LAMP3: variants seen among roughly 807,000 people sequenced by gnomAD.
LAMP3 encodes lysosome associated membrane protein 3.
In LAMP3, 26 loss-of-function variants were observed where a neutral mutation model predicts 34.8. The ratio of observed to expected loss-of-function variants is 0.75; its 90% CI spans 0.55 to 1.04. The LOEUF (loss-of-function observed/expected upper bound fraction) is 1.04, where lower values mean the gene tolerates loss of function less well. Ranked by LOEUF, LAMP3 falls within the 50% of genes least tolerant of loss-of-function variation. The pLI, the probability that LAMP3 is intolerant of heterozygous loss-of-function variation, is 0.00. For synonymous variants in LAMP3, 180 were observed against 201.9 expected (o/e 0.89, Z 0.92); for missense variants, 495 against 524.0 (o/e 0.94, Z 0.54).
At chr3:183,135,358 A>G (rs1720049320) in intron 5 of LAMP3, among the ~76,000 whole-genome samples, 1 of 152,070 alleles carries the variant, frequency 6.6e-6, no homozygotes, top group Non-Finnish European at 1.5e-5. Context: ...CATTACTGAT[A>G]CTCAGGATCT....
intron 3 of LAMP3, among the ~76,000 whole-genome samples, chr3:183,148,662 GA>G (rs1333109924): frequency 3.3e-5 from 5 of 152,170 alleles, no homozygotes; most frequent in African/African-American, 1.2e-4. Flanking sequence ...TCACCCCAGT[GA>G]AAATGGCTCT....
chr3:183,147,158 G>A (rs755795365), intron 3 of LAMP3, among the ~76,000 whole-genome samples: 6 of 151,924 alleles, frequency 3.9e-5, no homozygotes, highest in Admixed American at 6.6e-5. Context: ...CAAGAGAATC[G>A]CTTGAACCCA....
At chr3:183,159,927 A>G (rs184733553) in intron 1 of LAMP3, among the ~76,000 whole-genome samples, 215 of 152,244 alleles carry the variant, frequency 1.4e-3, no homozygotes, top group African/African-American at 5.0e-3. Context: ...CCAACCTGCA[A>G]CTTGTATGTG....
chr3:183,131,685 G>C (rs1719928686), intron 5 of LAMP3, among the ~76,000 whole-genome samples: 1 of 152,098 alleles, frequency 6.6e-6, no homozygotes, highest in Non-Finnish European at 1.5e-5. Flanking sequence ...TTCCTAAGTA[G>C]GCAGTAGTTT....
chr3:183,143,560 C>T (rs537455109), intron 3 of LAMP3, among the ~76,000 whole-genome samples: 1 of 152,312 alleles, frequency 6.6e-6, no homozygotes, highest in Admixed American at 6.5e-5. Context: ...TTGTCCTACA[C>T]ATCTCTTCTG....
chr3:183,159,841 G>A (rs2108616149), intron 1 of LAMP3, among the ~76,000 whole-genome samples: 1 of 152,338 alleles, frequency 6.6e-6, no homozygotes, highest in South Asian at 2.1e-4. Context: ...TGGGCCTTCT[G>A]GGAAGGCTGG....
rs150263785 is a variant in LAMP3 at position 183,131,742 on chromosome 3, T to C, written c.1117+3975A>G. 2.0e-3 allele frequency among the ~76,000 whole-genome samples: 309 copies of C among 152,232 alleles called. 1 individual carries two copies. Among genetic ancestry groups the C allele is most frequent in the South Asian group, 0.012 (60 of 4,826 alleles). On this transcript the variant is annotated intron_variant, in intron 5 of 5. Transcript: ENST00000265598. ...TAAATGTCATGTTAAAAATAATGAATGGCACCTCTGGAAAATTTGGAAAAA... is the reference window on the plus strand; with the variant it reads ...TAAATGTCATGTTAAAAATAATGAACGGCACCTCTGGAAAATTTGGAAAAA...
At chr3:183,136,333 G>A (rs1720087867) in intron 4 of LAMP3, among the ~76,000 whole-genome samples, 1 of 152,156 alleles carries the variant, frequency 6.6e-6, no homozygotes, top group Non-Finnish European at 1.5e-5. Flanking sequence ...TCACCAGGCT[G>A]AATGTATTAG....
At chr3:183,157,014 TG>T (rs1028250127) in intron 1 of LAMP3, among the ~76,000 whole-genome samples, 1 of 152,126 alleles carries the variant, frequency 6.6e-6, no homozygotes, top group African/African-American at 2.4e-5. Flanking sequence ...TGATGATCCT[TG>T]GTGAGGGTTT....
chr3:183,148,254 T>G (rs990586225), intron 3 of LAMP3, among the ~76,000 whole-genome samples: 1 of 152,184 alleles, frequency 6.6e-6, no homozygotes, highest in African/African-American at 2.4e-5. Context: ...AGGACGTTGG[T>G]CTGGGCAAAG....
intron 5 of LAMP3, among the ~76,000 whole-genome samples, chr3:183,128,003 C>A (rs538950483): frequency 1.1e-4 from 16 of 152,120 alleles, no homozygotes; most frequent in African/African-American, 3.9e-4. Context: ...AAAAAAATAA[C>A]CAGTTGTGGT....
chr3:183,132,572 G>A, intron 5 of LAMP3: 1 of 985,360 alleles, frequency 1.0e-6, no homozygotes. Context: ...AGCCAGCACT[G>A]GTATATTCAG....
At chr3:183,137,242 C>T (rs893828201) in intron 4 of LAMP3, among the ~76,000 whole-genome samples, 1 of 152,080 alleles carries the variant, frequency 6.6e-6, no homozygotes, top group Non-Finnish European at 1.5e-5. Context: ...TCTCTTGAAT[C>T]CGAGGGGTGG....
upstream of LAMP3, chr3:183,162,751 C>G (rs906733825): frequency 7.6e-6 from 9 of 1,191,300 alleles, no homozygotes; most frequent in Non-Finnish European, 1.0e-5. Flanking sequence ...GAAACGAAAC[C>G]ACCTGCTTAT....
intron 3 of LAMP3, among the ~76,000 whole-genome samples, chr3:183,150,545 C>T (rs1720597107): frequency 7.0e-6 from 1 of 142,176 alleles, no homozygotes; most frequent in Non-Finnish European, 1.5e-5. Flanking sequence ...TCTGTATCTT[C>T]TGCTATTTTG....
At chr3:183,128,410 A>T (rs577446838) in intron 5 of LAMP3, among the ~76,000 whole-genome samples, 1 of 152,324 alleles carries the variant, frequency 6.6e-6, no homozygotes, top group South Asian at 2.1e-4. Context: ...CTTTCCTTAA[A>T]CATACATAGC....
intron 5 of LAMP3, among the ~76,000 whole-genome samples, chr3:183,133,558 G>A (rs928597976): frequency 3.3e-5 from 5 of 152,256 alleles, no homozygotes; most frequent in Non-Finnish European, 1.5e-5. Flanking sequence ...GTTTTGCTAT[G>A]TTGGCCAGGC....
At chr3:183,155,714 A>T (rs625677) in intron 1 of LAMP3, among the ~76,000 whole-genome samples, 135,387 of 152,264 alleles carry the variant, frequency 0.89, 60,234 homozygotes, top group Middle Eastern at 0.92. Flanking sequence ...TGGTTGTGGA[A>T]CTTTCCTAGT....
chr3:183,157,185 C>T (rs930773487), intron 1 of LAMP3, among the ~76,000 whole-genome samples: 3 of 152,194 alleles, frequency 2.0e-5, no homozygotes, highest in Non-Finnish European at 4.4e-5. Flanking sequence ...ATAAAAAGAC[C>T]GATGACTATT....
Sources: allele counts gnomAD v4.1 joint callset (sites outside exome capture counted in the v4.1 genomes callset), GRCh38; gene constraint gnomAD v4.1.1; transcripts MANE v1.5; gene names NCBI Gene and HGNC (gene_info 2026-07-23, HGNC 2026-07-21).